MED13L: variants seen among roughly 807,000 people sequenced by gnomAD.
MED13L encodes the protein mediator complex subunit 13L.
A neutral mutation model predicts 220.9 loss-of-function variants in MED13L; 7 were observed. The observed-to-expected ratio is 0.03, with a 90% CI of 0.02 to 0.06. The LOEUF (loss-of-function observed/expected upper bound fraction) is 0.06, where lower values mean the gene tolerates loss of function less well. Ranked by LOEUF, MED13L falls within the 10% of genes least tolerant of loss-of-function variation. The probability of loss-of-function intolerance (pLI) is 1.00; values close to 1 mark genes in which losing one functional copy is unlikely to be tolerated. For synonymous variants in MED13L, 1,011 were observed against 1,015.2 expected (o/e 1.00, Z 0.08); for missense variants, 1,965 against 2,760.5 (o/e 0.71, Z 6.46).
At position 116,007,408 on chromosome 12, in the gene MED13L, T is replaced by C. The variant is rs372375186; in HGVS notation, c.2238+3A>G. On this transcript the variant is annotated splice_donor_region_variant and intron_variant, in intron 11 of 30. Transcript: ENST00000281928. ...GCTGGACTCTCTCTCTGTTAAATGG[T>C]ACCTTATTCTTTTTCAGGGAATCTT... 5 of 1,607,440 alleles carry C rather than the reference T, an allele frequency of 3.1e-6. No homozygotes were observed. In the East Asian group the frequency reaches 6.7e-5, roughly 22 times the overall value.
chr12:116,121,372 G>C (rs1411913970), intron 2 of MED13L, among the ~76,000 whole-genome samples: 5 of 152,008 alleles, frequency 3.3e-5, no homozygotes, highest in Admixed American at 1.3e-4. Context: ...ACATAGAAAA[G>C]GTTCAGGGAG....
chr12:116,153,875 C>A (rs1878240479), intron 2 of MED13L, among the ~76,000 whole-genome samples: 1 of 152,182 alleles, frequency 6.6e-6, no homozygotes, highest in Non-Finnish European at 1.5e-5. Context: ...AAGTTCTTCT[C>A]ATCCCCAAAC....
intron 2 of MED13L, among the ~76,000 whole-genome samples, chr12:116,183,672 C>A: frequency 6.6e-6 from 1 of 152,044 alleles, no homozygotes; most frequent in Non-Finnish European, 1.5e-5. Flanking sequence ...AACATGCTCA[C>A]AATATCTGTT....
chr12:116,044,466 C>A (rs1442061090), intron 4 of MED13L, among the ~76,000 whole-genome samples: 1 of 152,110 alleles, frequency 6.6e-6, no homozygotes, highest in East Asian at 1.9e-4. Flanking sequence ...AGTTTAAGAC[C>A]AGCTCTGTGA....
chr12:116,187,883 A>T (rs1463980777), intron 2 of MED13L, among the ~76,000 whole-genome samples: 1 of 135,876 alleles, frequency 7.4e-6, no homozygotes, highest in Non-Finnish European at 1.6e-5. Flanking sequence ...TTTATAAGTT[A>T]AAAAAAAAAA....
At chr12:116,264,068 C>T (rs957590188) in intron 1 of MED13L, among the ~76,000 whole-genome samples, 1 of 152,150 alleles carries the variant, frequency 6.6e-6, no homozygotes, top group Non-Finnish European at 1.5e-5. Flanking sequence ...CAGCAAGGCC[C>T]TCATCAGAAG....
intron 8 of MED13L, among the ~76,000 whole-genome samples, chr12:116,013,251 T>C (rs1038829112): frequency 3.3e-5 from 5 of 152,124 alleles, no homozygotes; most frequent in Admixed American, 6.6e-5. Flanking sequence ...TTGCCTGTAG[T>C]CCCAGATACT....
chr12:115,971,596 T>G (rs1021909293), intron 26 of MED13L, among the ~76,000 whole-genome samples: 1 of 152,240 alleles, frequency 6.6e-6, no homozygotes, highest in Admixed American at 6.5e-5. Flanking sequence ...GAGAGCTTAC[T>G]GTGTACCAGG....
At chr12:116,102,162 C>T (rs939116656) in intron 3 of MED13L, among the ~76,000 whole-genome samples, 2 of 152,170 alleles carry the variant, frequency 1.3e-5, no homozygotes, top group Non-Finnish European at 2.9e-5. Flanking sequence ...ATGTGTGTAC[C>T]TAATGTTTCT....
At chr12:116,185,898 G>A (rs1474574695) in intron 2 of MED13L, among the ~76,000 whole-genome samples, 1 of 152,142 alleles carries the variant, frequency 6.6e-6, no homozygotes, top group Non-Finnish European at 1.5e-5. Context: ...GCTTCACCAT[G>A]TTGCTCAGGC....
chr12:116,108,588 G>C (rs574207972), intron 3 of MED13L, among the ~76,000 whole-genome samples: 1 of 152,164 alleles, frequency 6.6e-6, no homozygotes, highest in Non-Finnish European at 1.5e-5. Flanking sequence ...GTTACATTAA[G>C]TTTGATAAGA....
intron 3 of MED13L, among the ~76,000 whole-genome samples, chr12:116,100,723 T>C (rs565834323): frequency 2.0e-5 from 3 of 150,312 alleles, no homozygotes; most frequent in South Asian, 2.1e-4. Flanking sequence ...CCAGACAACA[T>C]AGTGGAACCC....
At chr12:116,034,516 C>G (rs1881053828) in intron 4 of MED13L, among the ~76,000 whole-genome samples, 1 of 152,162 alleles carries the variant, frequency 6.6e-6, no homozygotes, top group South Asian at 2.1e-4. Flanking sequence ...GAGGCATATT[C>G]CTGATAGCTA....
At chr12:116,181,916 T>C (rs576061769) in intron 2 of MED13L, among the ~76,000 whole-genome samples, 2 of 152,326 alleles carry the variant, frequency 1.3e-5, no homozygotes, top group South Asian at 4.1e-4. Flanking sequence ...TACAAGAATC[T>C]CACAACAAAA....
chr12:116,265,153 A>G (rs1249839988), intron 1 of MED13L, among the ~76,000 whole-genome samples: 1 of 152,048 alleles, frequency 6.6e-6, no homozygotes, highest in Non-Finnish European at 1.5e-5. Flanking sequence ...TTCACTCCTT[A>G]CACCTCTCCC....
intron 2 of MED13L, among the ~76,000 whole-genome samples, chr12:116,189,832 T>G (rs1178503035): frequency 6.6e-6 from 1 of 152,226 alleles, no homozygotes; most frequent in Non-Finnish European, 1.5e-5. Context: ...TTTGTGTACA[T>G]ATGGTCATTG....
chr12:116,187,830 A>AT (rs1459677556), intron 2 of MED13L, among the ~76,000 whole-genome samples: 2 of 151,968 alleles, frequency 1.3e-5, no homozygotes, highest in African/African-American at 4.8e-5. Flanking sequence ...AAAGATCTTA[A>AT]TAATACACAG....
chr12:116,027,314 C>T (rs1448685994), intron 4 of MED13L, among the ~76,000 whole-genome samples: 2 of 152,118 alleles, frequency 1.3e-5, no homozygotes, highest in South Asian at 2.1e-4. Context: ...CCCAGCTACT[C>T]GGGTGGCTGA....
At chr12:116,271,617 C>T (rs1472778306) in intron 1 of MED13L, among the ~76,000 whole-genome samples, 1 of 148,460 alleles carries the variant, frequency 6.7e-6, no homozygotes, top group African/African-American at 2.5e-5. Flanking sequence ...CAGAGCCAGA[C>T]TCCGTCTCAA....
Sources: allele counts gnomAD v4.1 joint callset (sites outside exome capture counted in the v4.1 genomes callset), GRCh38; gene constraint gnomAD v4.1.1; transcripts MANE v1.5; gene names NCBI Gene and HGNC (gene_info 2026-07-23, HGNC 2026-07-21).